Variants in DLC1 observed in about 807,000 individuals in gnomAD.
DLC1 encodes the protein DLC1 Rho GTPase activating protein, also known as rho GTPase-activating protein 7.
In DLC1, 54 loss-of-function variants were observed where a neutral mutation model predicts 140.3. That is an observed-to-expected ratio of 0.38 (90% CI 0.31 to 0.48). The LOEUF (loss-of-function observed/expected upper bound fraction) is 0.48. DLC1 is among the 20% of genes least tolerant of loss of function. The pLI is 0.96. For synonymous variants in DLC1, 986 were observed against 728.1 expected (o/e 1.35, Z -5.70); for missense variants, 2,536 against 1,907.0 (o/e 1.33, Z -6.14).
chr8:13,128,584 G>A (rs1199121011), intron 5 of DLC1, among the ~76,000 whole-genome samples: 2 of 152,214 alleles, frequency 1.3e-5, no homozygotes, highest in Non-Finnish European at 2.9e-5. Context: ...TGTAATCCCA[G>A]CACTTTGGGA....
chr8:13,464,754 ATATATATATATT>A (rs1452133103), intron 2 of DLC1, among the ~76,000 whole-genome samples: 3,808 of 61,662 alleles, frequency 0.062, 62 homozygotes, highest in African/African-American at 0.082. Flanking sequence ...AATTATATAT[ATATATATATATT>A]TATATATATA....
At position 13,194,112 on chromosome 8, in the gene DLC1, C is replaced by T. The variant is rs533633888; in HGVS notation, c.1349-78455G>A. ...CACCAAAATCTGCATTCGCTACCCACAGAGAAATGAGCACTTAATCTTCTA... is the reference window on the plus strand; with the variant it reads ...CACCAAAATCTGCATTCGCTACCCATAGAGAAATGAGCACTTAATCTTCTA... On this transcript the variant is annotated intron_variant, in intron 5 of 17. Coordinates refer to ENST00000276297, the MANE Select transcript of DLC1 (RefSeq NM_182643.3). Among the ~76,000 whole-genome samples the T allele has an allele frequency of 2.0e-5, 3 of 152,324 alleles. No individual in the cohort carries two copies. The South Asian group carries it at 6.2e-4, about 32-fold the overall frequency.
At chr8:13,147,712 G>A (rs1329578339) in intron 5 of DLC1, among the ~76,000 whole-genome samples, 4 of 151,968 alleles carry the variant, frequency 2.6e-5, no homozygotes, top group African/African-American at 9.7e-5. Context: ...TTTATTGGCT[G>A]GGCATGGTGG....
At chr8:13,242,620 T>A (rs531024773) in intron 5 of DLC1, among the ~76,000 whole-genome samples, 8 of 152,124 alleles carry the variant, frequency 5.3e-5, no homozygotes, top group Admixed American at 2.0e-4. Flanking sequence ...CTTGAACTCC[T>A]GGGCTCAAGC....
chr8:13,555,849 T>C (rs1326419101), intron 1 of DLC1, among the ~76,000 whole-genome samples: 1 of 151,846 alleles, frequency 6.6e-6, no homozygotes, highest in African/African-American at 2.4e-5. Flanking sequence ...TGATAGTAAG[T>C]TTATTTTTGT....
rs368563979 is a variant in DLC1, at chr8:13,507,611, C to G, written c.-126+6991G>C. Among the ~76,000 whole-genome samples, 4 of 152,146 alleles carry G rather than the reference C, an allele frequency of 2.6e-5. No homozygotes were observed. In the East Asian group the frequency reaches 7.7e-4, roughly 29 times the overall value. Reference sequence around the variant, plus strand: ...CCCACACAAAATCATTATTCCTCTACTTTTACATACTTTGTTTAATGCTGG... The same window carrying G: ...CCCACACAAAATCATTATTCCTCTAGTTTTACATACTTTGTTTAATGCTGG... On this transcript the variant is annotated intron_variant, in intron 1 of 17. Transcript: ENST00000276297.
intron 4 of DLC1, among the ~76,000 whole-genome samples, chr8:13,343,845 C>T (rs950623341): frequency 6.6e-6 from 1 of 152,114 alleles, no homozygotes. Flanking sequence ...GGCCATTGGT[C>T]TGAAAATAAG....
intron 5 of DLC1, among the ~76,000 whole-genome samples, chr8:13,272,628 G>A (rs950690444): frequency 3.9e-5 from 6 of 152,106 alleles, no homozygotes; most frequent in African/African-American, 1.2e-4. Flanking sequence ...TTGGGAGGCC[G>A]AGGCAGTCGG....
chr8:13,346,796 T>C (rs1479438244), intron 4 of DLC1, among the ~76,000 whole-genome samples: 4 of 152,198 alleles, frequency 2.6e-5, no homozygotes, highest in Non-Finnish European at 5.9e-5. Flanking sequence ...GTAGCAGATA[T>C]TTCTGACAAG....
chr8:13,434,613 G>C (rs1292415376), intron 2 of DLC1, among the ~76,000 whole-genome samples: 1 of 152,186 alleles, frequency 6.6e-6, no homozygotes, highest in African/African-American at 2.4e-5. Flanking sequence ...TTGTTTTCAT[G>C]CCTGCTAACA....
At chr8:13,269,901 C>CAAA (rs371620278) in intron 5 of DLC1, among the ~76,000 whole-genome samples, 1 of 129,502 alleles carries the variant, frequency 7.7e-6, no homozygotes, top group Admixed American at 7.7e-5. Flanking sequence ...ACTAAAAATA[C>CAAA]AAAAAAAAAA....
At chr8:13,181,849 C>T (rs1261510099) in intron 5 of DLC1, among the ~76,000 whole-genome samples, 1 of 152,106 alleles carries the variant, frequency 6.6e-6, no homozygotes, top group Non-Finnish European at 1.5e-5. Context: ...TGGGTATATA[C>T]CCAGTAATGG....
chr8:13,456,703 C>A (rs550129880), intron 2 of DLC1, among the ~76,000 whole-genome samples: 1 of 152,334 alleles, frequency 6.6e-6, no homozygotes, highest in South Asian at 2.1e-4. Context: ...AAATGATCCA[C>A]CTGCCTCAGC....
At chr8:13,390,098 A>G (rs1030422545) in intron 4 of DLC1, among the ~76,000 whole-genome samples, 2 of 152,166 alleles carry the variant, frequency 1.3e-5, no homozygotes, top group African/African-American at 4.8e-5. Flanking sequence ...CATAGACAAA[A>G]TTCTTCATTC....
At chr8:13,241,572 G>A (rs1829545803) in intron 5 of DLC1, among the ~76,000 whole-genome samples, 1 of 152,182 alleles carries the variant, frequency 6.6e-6, no homozygotes, top group Admixed American at 6.5e-5. Context: ...TGTAGCGGAG[G>A]AAATGTATGA....
chr8:13,522,596 G>A (rs1230344668), intron 1 of DLC1, among the ~76,000 whole-genome samples: 2 of 151,954 alleles, frequency 1.3e-5, no homozygotes, highest in Non-Finnish European at 2.9e-5. Flanking sequence ...TTGTACTCCA[G>A]CCTGGGCGAC....
chr8:13,243,213 C>A (rs906910230), intron 5 of DLC1, among the ~76,000 whole-genome samples: 1 of 147,728 alleles, frequency 6.8e-6, no homozygotes, highest in South Asian at 2.1e-4. Context: ...TCACTTGAAC[C>A]CAGGAGCTGG....
chr8:13,133,873 C>G (rs573365718), intron 5 of DLC1, among the ~76,000 whole-genome samples: 1 of 152,108 alleles, frequency 6.6e-6, no homozygotes, highest in Non-Finnish European at 1.5e-5. Context: ...GGGTACCTGT[C>G]CCTTGGACAT....
chr8:13,225,397 A>C (rs1439300264), intron 5 of DLC1, among the ~76,000 whole-genome samples: 1 of 152,098 alleles, frequency 6.6e-6, no homozygotes, highest in African/African-American at 2.4e-5. Context: ...GGCACCTACA[A>C]CCAGGGAGGG....
Sources: gnomAD v4.1 joint callset for allele counts (sites outside exome capture counted in the v4.1 genomes callset) on GRCh38, gnomAD v4.1.1 for gene constraint, MANE v1.5 for transcripts, NCBI Gene and HGNC (gene_info 2026-07-23, HGNC 2026-07-21) for gene names.